The following SSPN variants were observed in gnomAD, a reference collection of about 807,000 sequenced individuals.
SSPN encodes the protein K-ras oncogene-associated protein.
A neutral mutation model predicts 19.1 loss-of-function variants in SSPN; 15 were observed. The ratio of observed to expected loss-of-function variants is 0.78; its 90% CI spans 0.52 to 1.21. The LOEUF is 1.21. SSPN is among the 50% of genes most tolerant of loss of function. The pLI, the probability that SSPN is intolerant of heterozygous loss-of-function variation, is 0.00. For missense variants in SSPN, 291 were observed against 314.0 expected (o/e 0.93, Z 0.55); for synonymous variants, 147 against 140.3 (o/e 1.05, Z -0.34).
upstream of SSPN, chr12:26,195,489 A>G (rs1944817728): frequency 5.5e-6 from 6 of 1,090,522 alleles, no homozygotes; most frequent in South Asian, 1.3e-4. Context: ...CCCCCCTCGA[A>G]TCCCCCCTCT....
chr12:26,232,726 A>G lies in SSPN; in HGVS notation c.*1650A>G, dbSNP rs1338919381. On this transcript the variant is annotated 3_prime_UTR_variant, in exon 3 of 3. Coordinates refer to ENST00000242729, the MANE Select transcript of SSPN (RefSeq NM_005086.5). ...ATTGTAAATATCTTTTATGTCCTCT[A>G]GATAAAACACCCGATTAACAGATGT... The G allele has an allele frequency of 6.1e-6, 6 of 984,738 alleles. No individual in the cohort carries two copies. The highest frequency in any genetic ancestry group is 4.7e-5 in the South Asian group (1 of 21,272). The allele number at this position is 984,738 out of a possible 1,614,324, so 61.0% of individuals were successfully genotyped here.
rs9850 is a variant in SSPN at position 26,232,706 on chromosome 12, A to G, written c.*1630A>G. The G allele has an allele frequency of 0.23, 229,469 of 982,696 alleles. 28,268 individuals carry two copies. The highest frequency in any genetic ancestry group is 0.35 in the Admixed American group (5,709 of 16,244). 60.9% of individuals were successfully genotyped at this position (982,696 alleles called of 1,614,324 possible). On this transcript the variant is annotated 3_prime_UTR_variant, in exon 3 of 3. Transcript: ENST00000242729. ...TTAAGTCGGTAAGCTAGAGGATTGT[A>G]AATATCTTTTATGTCCTCTAGATAA...
intron 1 of SSPN, among the ~76,000 whole-genome samples, chr12:26,151,778 T>A (rs1403046871): frequency 1.3e-5 from 2 of 152,170 alleles, no homozygotes; most frequent in Admixed American, 6.5e-5. Context: ...CTATGCCACA[T>A]GTGGAGAAAA....
At chr12:26,209,009 C>T (rs112534022) in intron 1 of SSPN, among the ~76,000 whole-genome samples, 1,727 of 151,918 alleles carry the variant, frequency 0.011, 28 homozygotes, top group African/African-American at 0.039. Flanking sequence ...CCCAACCCAC[C>T]CTCCTTCATT....
At chr12:26,122,186 C>T in intron 1 of SSPN, 1 of 1,479,806 alleles carries the variant, frequency 6.8e-7, no homozygotes, top group Non-Finnish European at 9.0e-7. Context: ...GGGGGTGCGG[C>T]GCCCCAAGGG....
At chr12:26,183,314 A>G (rs1464653308) in intron 1 of SSPN, among the ~76,000 whole-genome samples, 3 of 151,754 alleles carry the variant, frequency 2.0e-5, no homozygotes, top group Non-Finnish European at 4.4e-5. Context: ...GGGTTTTGCT[A>G]TTTTTCCCAG....
intron 1 of SSPN, among the ~76,000 whole-genome samples, chr12:26,212,685 G>A (rs2137483245): frequency 6.6e-6 from 1 of 152,068 alleles, no homozygotes; most frequent in South Asian, 2.1e-4. Flanking sequence ...TCTGGGGTTG[G>A]CAATACCTAA....
chr12:26,169,522 A>C (rs1444313841), intron 1 of SSPN, among the ~76,000 whole-genome samples: 1 of 152,052 alleles, frequency 6.6e-6, no homozygotes, highest in East Asian at 1.9e-4. Flanking sequence ...GCTGAGAAAG[A>C]GTTTTCTAAA....
In SSPN at chr12:26,231,165, A is replaced by G; in HGVS notation, c.*89A>G. The stretch of plus-strand genomic sequence containing the variant: ...AAAAATTTTAAACAAAGAAAGGAAA[A>G]AAATTGACAATAAAAGTCACTCTTC... On this transcript the variant is annotated 3_prime_UTR_variant, in exon 3 of 3. Coordinates refer to ENST00000242729, the MANE Select transcript of SSPN (RefSeq NM_005086.5). 1 of 1,412,936 alleles carries G rather than the reference A, an allele frequency of 7.1e-7. No homozygotes were observed. The highest frequency in any genetic ancestry group is 9.3e-7 in the Non-Finnish European group (1 of 1,078,230). The allele number at this position is 1,412,936 out of a possible 1,614,324, so 87.5% of individuals were successfully genotyped here. A position where few individuals can be genotyped will look rare whatever the true frequency, so the allele number is the denominator to read the frequency against.
At chr12:26,176,491 G>C (rs905958359) in intron 1 of SSPN, among the ~76,000 whole-genome samples, 4 of 152,216 alleles carry the variant, frequency 2.6e-5, no homozygotes, top group Non-Finnish European at 4.4e-5. Flanking sequence ...CAAACACTGT[G>C]TGTTAAAGCC....
intron 1 of SSPN, among the ~76,000 whole-genome samples, chr12:26,199,749 T>A (rs1944861533): frequency 6.6e-6 from 1 of 152,230 alleles, no homozygotes; most frequent in African/African-American, 2.4e-5. Flanking sequence ...AAGCATTGCA[T>A]GCTTAACGTT....
intron 1 of SSPN, among the ~76,000 whole-genome samples, chr12:26,137,657 T>TATATATATATATATATATATA (rs35203550): frequency 2.8e-4 from 9 of 32,164 alleles, no homozygotes; most frequent in South Asian, 2.2e-3. Context: ...TATATATATA[T>TATATATATATATATATATATA]TTTTTTTTTT....
intron 1 of SSPN, among the ~76,000 whole-genome samples, chr12:26,212,960 G>T (rs1049600741): frequency 6.6e-6 from 1 of 151,656 alleles, no homozygotes; most frequent in African/African-American, 2.4e-5. Flanking sequence ...TCCTCTTGGT[G>T]GTCAGTTCTG....
At chr12:26,169,836 A>G (rs777960801) in intron 1 of SSPN, among the ~76,000 whole-genome samples, 2 of 152,212 alleles carry the variant, frequency 1.3e-5, no homozygotes, top group Non-Finnish European at 2.9e-5. Flanking sequence ...TTAGGTAGTT[A>G]TGTGGAAGCA....
chr12:26,227,944 T>A (rs527958176), intron 2 of SSPN, among the ~76,000 whole-genome samples: 1 of 152,250 alleles, frequency 6.6e-6, no homozygotes, highest in South Asian at 2.1e-4. Context: ...AAAAGTCATC[T>A]TTTAAAAATA....
At chr12:26,217,264 G>T (rs926773685) in intron 1 of SSPN, among the ~76,000 whole-genome samples, 3 of 140,366 alleles carry the variant, frequency 2.1e-5, no homozygotes, top group Non-Finnish European at 3.1e-5. Flanking sequence ...GCAGTGGTTT[G>T]TAGTTCTCCT....
intron 1 of SSPN, among the ~76,000 whole-genome samples, chr12:26,179,407 A>G (rs926910539): frequency 6.6e-6 from 1 of 151,786 alleles, no homozygotes; most frequent in Admixed American, 6.6e-5. Context: ...GATGGATTTG[A>G]CCTCTCCTGT....
intron 1 of SSPN, among the ~76,000 whole-genome samples, chr12:26,186,627 C>G (rs1486170187): frequency 6.6e-6 from 1 of 152,202 alleles, no homozygotes; most frequent in East Asian, 1.9e-4. Flanking sequence ...TTCTGCAGGT[C>G]TGTTATTGTA....
chr12:26,181,367 A>G (rs2137442074), intron 1 of SSPN: 1 of 152,310 alleles, frequency 6.6e-6, no homozygotes, highest in East Asian at 1.9e-4. Flanking sequence ...CAAAATTATT[A>G]TTTAGGAACA....
Sources: allele counts gnomAD v4.1 joint callset (sites outside exome capture counted in the v4.1 genomes callset), GRCh38; gene constraint gnomAD v4.1.1; transcripts MANE v1.5; gene names NCBI Gene and HGNC (gene_info 2026-07-23, HGNC 2026-07-21).